NELL1: variants seen among roughly 807,000 people sequenced by gnomAD.
NELL1 encodes the protein protein kinase C-binding protein NELL1.
NELL1 carries 76 observed loss-of-function variants against 107.4 expected under a neutral mutation model. The ratio of observed to expected loss-of-function variants is 0.71; its 90% CI spans 0.59 to 0.86. The LOEUF (loss-of-function observed/expected upper bound fraction) is 0.86. Ranked by LOEUF, NELL1 falls within the 40% of genes least tolerant of loss-of-function variation. The pLI, the probability that NELL1 is intolerant of heterozygous loss-of-function variation, is 0.00. For missense variants in NELL1, 1,024 were observed against 1,005.5 expected (o/e 1.02, Z -0.25); for synonymous variants, 353 against 341.2 (o/e 1.03, Z -0.38).
In NELL1 at chr11:20,669,632, G is replaced by C; in HGVS notation, c.-92G>C. The C allele has an allele frequency of 8.9e-7, 1 of 1,123,994 alleles. No individual in the cohort carries two copies. Among genetic ancestry groups the C allele is most frequent in the Non-Finnish European group, 1.3e-6 (1 of 754,990 alleles). The allele number at this position is 1,123,994 out of a possible 1,614,324, so 69.6% of individuals were successfully genotyped here. ...TCCCCCGCCGCCCGCTAGCAAGTTT[G>C]GCGGCTCCAAGCCAGGCGCGCCTCA... On this transcript the variant is annotated 5_prime_UTR_variant, in exon 1 of 20. Transcript: ENST00000357134. This position sits in a 1 kb window ranked among gnomAD's most constrained non-coding sequence, Gnocchi z 4.4.
At chr11:21,203,650 T>C (rs1345561644) in intron 13 of NELL1, among the ~76,000 whole-genome samples, 2 of 152,138 alleles carry the variant, frequency 1.3e-5, no homozygotes, top group Non-Finnish European at 2.9e-5. Context: ...TTTGATCCTG[T>C]TGTTATGATG....
intron 15 of NELL1, among the ~76,000 whole-genome samples, chr11:21,408,149 A>G (rs986104542): frequency 2.6e-5 from 4 of 151,992 alleles, no homozygotes; most frequent in African/African-American, 9.7e-5. Flanking sequence ...ACTTGCCCAG[A>G]ATGCTTCCTC....
At chr11:20,763,507 TA>T (rs1251650605) in intron 2 of NELL1, among the ~76,000 whole-genome samples, 3 of 152,172 alleles carry the variant, frequency 2.0e-5, no homozygotes, top group Non-Finnish European at 2.9e-5. Context: ...GAGTATTAAA[TA>T]TCACCCAGAT....
chr11:21,389,209 G>C (rs1405206007), intron 15 of NELL1, among the ~76,000 whole-genome samples: 1 of 151,766 alleles, frequency 6.6e-6, no homozygotes, highest in Non-Finnish European at 1.5e-5. Context: ...TGAGGAAACT[G>C]AGGCTTGAAA....
At chr11:21,306,981 A>T (rs1235933664) in intron 14 of NELL1, among the ~76,000 whole-genome samples, 1 of 152,022 alleles carries the variant, frequency 6.6e-6, no homozygotes, top group Non-Finnish European at 1.5e-5. Context: ...CTTGAATTAT[A>T]TGTTTGTTTT....
At chr11:21,268,601 G>A (rs1164296134) in intron 14 of NELL1, among the ~76,000 whole-genome samples, 2 of 152,226 alleles carry the variant, frequency 1.3e-5, no homozygotes, top group East Asian at 3.9e-4. Flanking sequence ...AAGCACTTGT[G>A]AAATTCATAG....
chr11:21,208,265 T>C (rs909913575), intron 13 of NELL1, among the ~76,000 whole-genome samples: 3 of 151,980 alleles, frequency 2.0e-5, no homozygotes, highest in Non-Finnish European at 4.4e-5. Flanking sequence ...AAAAGATACG[T>C]ATTATAAAAC....
At position 20,755,549 on chromosome 11, in the gene NELL1, TGTTTTTG is replaced by T. The variant is rs758679550; in HGVS notation, c.185-28130_185-28124del. Among the ~76,000 whole-genome samples, 101 of 39,568 alleles carry T rather than the reference TGTTTTTG, an allele frequency of 2.6e-3. 5 individuals carry two copies. Among genetic ancestry groups the T allele is most frequent in the African/African-American group, 5.6e-3 (73 of 13,126 alleles). 26.0% of individuals were successfully genotyped at this position (39,568 alleles called of 152,430 possible). A position where few individuals can be genotyped will look rare whatever the true frequency, so the allele number is the denominator to read the frequency against. On this transcript the variant is annotated intron_variant, in intron 2 of 19. Transcript: ENST00000357134. ...ACCTGTGTGGGTTTTTGTTTTTTTT[TGTTTTTG>T]TTTTTGTTTTTTTTTTTTTGAGACA...
chr11:20,888,804 G>A (rs1849560798), intron 5 of NELL1, among the ~76,000 whole-genome samples: 1 of 152,160 alleles, frequency 6.6e-6, no homozygotes, highest in African/African-American at 2.4e-5. Flanking sequence ...GATGATCTGA[G>A]AGCCTCTTCA....
At chr11:21,483,882 C>CATATAT (rs1313168695) in intron 15 of NELL1, among the ~76,000 whole-genome samples, 5 of 118,488 alleles carry the variant, frequency 4.2e-5, no homozygotes, top group African/African-American at 1.4e-4. Context: ...CACACACACA[C>CATATAT]ACATATATAT....
intron 18 of NELL1, among the ~76,000 whole-genome samples, chr11:21,572,142 T>A (rs534183126): frequency 1.3e-5 from 2 of 151,968 alleles, no homozygotes; most frequent in Admixed American, 1.3e-4. Flanking sequence ...AGTTTCCCTA[T>A]GAGACTGGCA....
At chr11:21,337,712 G>A (rs180768214) in intron 14 of NELL1, among the ~76,000 whole-genome samples, 113 of 150,144 alleles carry the variant, frequency 7.5e-4, no homozygotes, top group African/African-American at 2.3e-3. Flanking sequence ...TCCCTTTCCC[G>A]CTTTTCATTC....
At chr11:21,477,436 A>G (rs1854365235) in intron 15 of NELL1, among the ~76,000 whole-genome samples, 2 of 152,126 alleles carry the variant, frequency 1.3e-5, no homozygotes, top group Admixed American at 1.3e-4. Flanking sequence ...ATCCAAGGCA[A>G]GCAAGGTGGT....
At chr11:21,404,566 G>C (rs1240748873) in intron 15 of NELL1, among the ~76,000 whole-genome samples, 2 of 151,988 alleles carry the variant, frequency 1.3e-5, no homozygotes, top group Non-Finnish European at 2.9e-5. Context: ...TGCTCAAGGA[G>C]TAAGAGGAAT....
chr11:21,098,326 C>T (rs1001534543), intron 12 of NELL1, among the ~76,000 whole-genome samples: 1 of 152,176 alleles, frequency 6.6e-6, no homozygotes, highest in Non-Finnish European at 1.5e-5. Context: ...CAGTTCCATG[C>T]ATATTTCGTA....
At chr11:21,281,902 A>G (rs1181459490) in intron 14 of NELL1, among the ~76,000 whole-genome samples, 1 of 152,220 alleles carries the variant, frequency 6.6e-6, no homozygotes, top group African/African-American at 2.4e-5. Flanking sequence ...CTACACAAAA[A>G]CATCAGAGGA....
intron 12 of NELL1, among the ~76,000 whole-genome samples, chr11:20,968,335 C>T (rs1458442727): frequency 6.7e-6 from 1 of 148,528 alleles, no homozygotes; most frequent in Non-Finnish European, 1.5e-5. Flanking sequence ...TATAGACACA[C>T]AAACATTTGC....
rs369384486 is a variant in NELL1 at position 20,783,839 on chromosome 11, G to C, written c.335+9G>C. 6.2e-7 allele frequency: 1 copy of C among 1,601,098 alleles called. No homozygotes were observed. The highest frequency in any genetic ancestry group is 1.1e-5 in the South Asian group (1 of 88,350). ...CGAGAACTGGAGCACAGGTAAGAAA[G>C]CTCTTTCTGCTTTTGAAAATCTCCT... is the stretch of plus-strand genomic sequence containing the variant. On this transcript the variant is annotated intron_variant, in intron 3 of 19. Coordinates refer to ENST00000357134, the MANE Select transcript of NELL1 (RefSeq NM_006157.5).
At chr11:21,153,116 G>A (rs985020904) in intron 13 of NELL1, among the ~76,000 whole-genome samples, 1 of 152,100 alleles carries the variant, frequency 6.6e-6, no homozygotes, top group Middle Eastern at 3.2e-3. Flanking sequence ...TAGAGTAGAT[G>A]GATTTTAGTC....
Sources: allele counts gnomAD v4.1 joint callset (sites outside exome capture counted in the v4.1 genomes callset), GRCh38; gene constraint gnomAD v4.1.1; non-coding constraint Gnocchi (gnomAD v3.1); transcripts MANE v1.5; gene names NCBI Gene and HGNC (gene_info 2026-07-23, HGNC 2026-07-21).